CNR2: variants seen among roughly 807,000 people sequenced by gnomAD.
CNR2 encodes cannabinoid receptor 2 (macrophage).
For missense variants in CNR2, 379 were observed against 439.9 expected, an observed-to-expected ratio of 0.86 and a Z score of 1.24; for synonymous variants, 172 against 182.2, an observed-to-expected ratio of 0.94 and a Z score of 0.45.
chr1:23,890,940 G>A (rs1416810286), intron 1 of CNR2, among the ~76,000 whole-genome samples: 1 of 148,302 alleles, frequency 6.7e-6, no homozygotes, highest in African/African-American at 2.5e-5. Flanking sequence ...GTGCAGTGGT[G>A]TGATCTCAGC....
At chr1:23,884,017 C>T (rs1640036632) in intron 1 of CNR2, among the ~76,000 whole-genome samples, 2 of 152,086 alleles carry the variant, frequency 1.3e-5, no homozygotes, top group South Asian at 2.1e-4. Context: ...GAGTTGAAAA[C>T]CGAGCCTTGC....
intron 1 of CNR2, among the ~76,000 whole-genome samples, chr1:23,909,292 A>G (rs1048593251): frequency 5.3e-5 from 8 of 152,032 alleles, no homozygotes; most frequent in African/African-American, 1.9e-4. Flanking sequence ...TTCTCTCCCC[A>G]GGAGATGGAG....
chr1:23,894,312 T>G (rs1300333626), intron 1 of CNR2, among the ~76,000 whole-genome samples: 1 of 151,682 alleles, frequency 6.6e-6, no homozygotes, highest in African/African-American at 2.4e-5. Context: ...TCCTAACTAC[T>G]CGGGTGGCTG....
At chr1:23,880,808 G>A (rs1041976248) in intron 1 of CNR2, among the ~76,000 whole-genome samples, 9 of 150,612 alleles carry the variant, frequency 6.0e-5, no homozygotes, top group East Asian at 1.9e-4. Flanking sequence ...CTGACCTCAC[G>A]TAAAGTGCTG....
chr1:23,899,458 C>T (rs926769103), intron 1 of CNR2, among the ~76,000 whole-genome samples: 19 of 152,174 alleles, frequency 1.2e-4, no homozygotes, highest in Non-Finnish European at 2.8e-4. Context: ...TCCCAAAGTA[C>T]ACCTCCTTCT....
chr1:23,906,803 G>A (rs1487630407), intron 1 of CNR2, among the ~76,000 whole-genome samples: 3 of 151,312 alleles, frequency 2.0e-5, no homozygotes, highest in Non-Finnish European at 4.4e-5. Context: ...CAGATGAGAG[G>A]ATGACTTGAA....
At chr1:23,897,067 G>C (rs924258444) in intron 1 of CNR2, among the ~76,000 whole-genome samples, 4 of 151,794 alleles carry the variant, frequency 2.6e-5, no homozygotes. Flanking sequence ...TAGAGATGGG[G>C]TTTCACTATT....
At chr1:23,912,392 C>G (rs1640601727) in intron 1 of CNR2, among the ~76,000 whole-genome samples, 1 of 152,230 alleles carries the variant, frequency 6.6e-6, no homozygotes, top group Admixed American at 6.5e-5. Flanking sequence ...TCTCAAAGGC[C>G]TCTGCCAGCC....
At chr1:23,905,102 A>G (rs1640466624) in intron 1 of CNR2, among the ~76,000 whole-genome samples, 1 of 147,440 alleles carries the variant, frequency 6.8e-6, no homozygotes, top group Non-Finnish European at 1.5e-5. Context: ...GATTATGACA[A>G]TAGTAGCAAC....
intron 1 of CNR2, chr1:23,902,379 T>G: frequency 6.3e-7 from 1 of 1,586,136 alleles, no homozygotes; most frequent in Non-Finnish European, 8.6e-7. Flanking sequence ...GCAGGCGTTC[T>G]TGGCTTTCAG....
intron 1 of CNR2, among the ~76,000 whole-genome samples, chr1:23,905,933 A>C (rs1424785371): frequency 6.6e-6 from 1 of 152,180 alleles, no homozygotes; most frequent in Admixed American, 6.5e-5. Context: ...TATCAAGCCA[A>C]TCTCAGGCCT....
intron 1 of CNR2, chr1:23,901,770 C>A: frequency 6.8e-7 from 1 of 1,481,138 alleles, no homozygotes. Flanking sequence ...TCAATCTTCA[C>A]GCTGTACTCA....
chr1:23,875,140 G>A lies in CNR2; in HGVS notation c.478C>T (p.Leu160Phe). The A allele has an allele frequency of 6.2e-7, 1 of 1,612,446 alleles. No individual in the cohort carries two copies. Among genetic ancestry groups the A allele is most frequent in the Non-Finnish European group, 8.5e-7 (1 of 1,179,090 alleles). Reference protein sequence around the residue: ...ALVTLGIMWVLSALVSYLPLM... With the variant: ...ALVTLGIMWVFSALVSYLPLM... ...GGCAGGTAGGAGACTAGTGCTGAGA[G>A]GACCCACATGATGCCCAGGGTCACC... Residue 160 changes from leucine (L) to phenylalanine (F), a missense_variant, in exon 2 of 2, where the codon CTC (leucine) becomes TTC (phenylalanine). Leu to Phe is a conservative substitution (Grantham distance 22). Transcript: ENST00000374472.
At chr1:23,901,323 G>C in intron 1 of CNR2, 1 of 665,810 alleles carries the variant, frequency 1.5e-6, no homozygotes, top group Non-Finnish European at 2.5e-6. Flanking sequence ...GTGTGGAAAA[G>C]GTGCCTACTT....
At chr1:23,902,714 C>A in intron 1 of CNR2, 2 of 1,586,588 alleles carry the variant, frequency 1.3e-6, no homozygotes, top group East Asian at 4.5e-5. Flanking sequence ...TGAACATGAG[C>A]GCGTTCCTCT....
At chr1:23,885,665 A>G (rs4649127) in intron 1 of CNR2, among the ~76,000 whole-genome samples, 109,675 of 150,412 alleles carry the variant, frequency 0.73, 40,592 homozygotes, top group Middle Eastern at 0.8. Context: ...GGATCACGAG[A>G]TCAGGAGTTT....
At chr1:23,902,943 C>T (rs1218663427) in intron 1 of CNR2, among the ~76,000 whole-genome samples, 1 of 151,514 alleles carries the variant, frequency 6.6e-6, no homozygotes, top group Non-Finnish European at 1.5e-5. Flanking sequence ...TCGGGGGCAG[C>T]CTCGGAGCCT....
At position 23,877,776 on chromosome 1, in the gene CNR2, C is replaced by T. The variant is rs144322962; in HGVS notation, c.-45-2114G>A. ...AGGAGTTCAAGACTAGCCTGGCTAACATGATGAAACCCTGTCTCTACTAAA... is the reference window on the plus strand; with the variant it reads ...AGGAGTTCAAGACTAGCCTGGCTAATATGATGAAACCCTGTCTCTACTAAA... On this transcript the variant is annotated intron_variant, in intron 1 of 1. Transcript: ENST00000374472. Among the ~76,000 whole-genome samples, 1,072 of 151,862 alleles carry T rather than the reference C, an allele frequency of 7.1e-3. 22 individuals are homozygous for T. The highest frequency in any genetic ancestry group is 0.024 in the African/African-American group (1,007 of 41,426).
chr1:23,905,923 T>C (rs746003488), intron 1 of CNR2, among the ~76,000 whole-genome samples: 5 of 152,214 alleles, frequency 3.3e-5, no homozygotes, highest in Non-Finnish European at 7.3e-5. Flanking sequence ...CGGGACACTC[T>C]ATCAAGCCAA....
Sources: gnomAD v4.1 joint callset for allele counts (sites outside exome capture counted in the v4.1 genomes callset) on GRCh38, gnomAD v4.1.1 for gene constraint, MANE v1.5 for transcripts, NCBI Gene and HGNC (gene_info 2026-07-23, HGNC 2026-07-21) for gene names.